SLC24A2: variants seen among roughly 807,000 people sequenced by gnomAD.
SLC24A2 encodes the protein sodium/potassium/calcium exchanger 2.
SLC24A2 carries 36 observed loss-of-function variants against 62.0 expected under a neutral mutation model. The observed-to-expected ratio is 0.58, with a 90% confidence interval of 0.44 to 0.77. SLC24A2 has a LOEUF of 0.77. SLC24A2 is among the 30% of genes least tolerant of loss of function. The pLI is 0.00. For synonymous variants in SLC24A2, 358 were observed against 294.0 expected (o/e 1.22, Z -2.23); for missense variants, 846 against 817.9 (o/e 1.03, Z -0.42).
chr9:20,258,819 A>C, the SLC24A2 span, among the ~76,000 whole-genome samples: 1 of 100,614 alleles, frequency 9.9e-6, no homozygotes, highest in African/African-American at 3.3e-5. Context: ...TATCTACCTT[A>C]TCTATCTATC....
rs1212640866 is a variant in SLC24A2 at position 19,516,024 on chromosome 9, T to G, written c.*129A>C. ...CAGTGTGAATCCATCTCTCCTCAAA[T>G]TCACCAAGGAGGGACACTTGGCACC... On this transcript the variant is annotated 3_prime_UTR_variant, in exon 11 of 11. Coordinates refer to ENST00000341998, the MANE Select transcript of SLC24A2 (RefSeq NM_020344.4). 1 of 1,166,526 alleles carries G rather than the reference T, an allele frequency of 8.6e-7. No homozygotes were observed. The highest frequency in any genetic ancestry group is 1.7e-5 in the Admixed American group (1 of 59,182). The allele number at this position is 1,166,526 out of a possible 1,614,324, so 72.3% of individuals were successfully genotyped here. A position where few individuals can be genotyped will look rare whatever the true frequency, so the allele number is the denominator to read the frequency against.
the SLC24A2 span, among the ~76,000 whole-genome samples, chr9:19,893,864 A>T: frequency 6.6e-6 from 1 of 152,188 alleles, no homozygotes; most frequent in African/African-American, 2.4e-5. Context: ...TCCGCCACAC[A>T]GGGGTTCTGT....
intron 2 of SLC24A2, among the ~76,000 whole-genome samples, chr9:19,715,931 T>A (rs1820847512): frequency 6.6e-6 from 1 of 152,174 alleles, no homozygotes; most frequent in Non-Finnish European, 1.5e-5. Context: ...AGAAGAAAAG[T>A]TTTCTCTCTT....
chr9:19,704,254 G>C (rs367707977), intron 2 of SLC24A2, among the ~76,000 whole-genome samples: 10 of 152,178 alleles, frequency 6.6e-5, no homozygotes, highest in East Asian at 5.8e-4. Flanking sequence ...GAGAAGCAGA[G>C]GCACATGATT....
intron 8 of SLC24A2, among the ~76,000 whole-genome samples, chr9:19,544,757 A>C (rs1834464039): frequency 6.6e-6 from 1 of 151,824 alleles, no homozygotes; most frequent in South Asian, 2.1e-4. Context: ...ATTGGCCCCC[A>C]CTCTCTTCTA....
At chr9:20,167,023 G>A in the SLC24A2 span, among the ~76,000 whole-genome samples, 2 of 151,716 alleles carry the variant, frequency 1.3e-5, no homozygotes, top group Non-Finnish European at 2.9e-5. Context: ...TATTTTTGTA[G>A]AGGCTGGTTT....
the SLC24A2 span, among the ~76,000 whole-genome samples, chr9:20,281,207 G>A: frequency 2.0e-5 from 3 of 152,172 alleles, no homozygotes; most frequent in Admixed American, 6.5e-5. Flanking sequence ...TGGGAATACA[G>A]GCGTGAACCA....
chr9:20,112,224 A>T, the SLC24A2 span, among the ~76,000 whole-genome samples: 1 of 152,066 alleles, frequency 6.6e-6, no homozygotes, highest in African/African-American at 2.4e-5. Context: ...TGCCTGAAGG[A>T]AAAAAAAGAA....
At chr9:20,234,799 G>C in the SLC24A2 span, among the ~76,000 whole-genome samples, 1 of 152,170 alleles carries the variant, frequency 6.6e-6, no homozygotes, top group East Asian at 1.9e-4. Flanking sequence ...GAGGAGAGGC[G>C]CTCTGATTTT....
chr9:19,789,652 T>C (rs918853877), upstream of SLC24A2, among the ~76,000 whole-genome samples: 8 of 152,164 alleles, frequency 5.3e-5, no homozygotes, highest in Non-Finnish European at 1.0e-4. Context: ...CTCCTTCCTG[T>C]CCTATCTGGA....
At chr9:19,829,834 C>CTTT in the SLC24A2 span, among the ~76,000 whole-genome samples, 1 of 131,282 alleles carries the variant, frequency 7.6e-6, no homozygotes, top group Non-Finnish European at 1.6e-5. Flanking sequence ...CACACACACA[C>CTTT]ACACACATAT....
At chr9:19,983,426 T>C in the SLC24A2 span, among the ~76,000 whole-genome samples, 5 of 152,160 alleles carry the variant, frequency 3.3e-5, no homozygotes, top group South Asian at 1.0e-3. Flanking sequence ...GGGCGGATCA[T>C]GAGGTCAAGA....
chr9:20,276,211 T>C, the SLC24A2 span, among the ~76,000 whole-genome samples: 2 of 152,164 alleles, frequency 1.3e-5, no homozygotes, highest in African/African-American at 4.8e-5. Context: ...GCCTGTAAAA[T>C]AGAAAGCAAG....
At chr9:19,750,009 A>G (rs1036145655) in intron 2 of SLC24A2, among the ~76,000 whole-genome samples, 1 of 152,202 alleles carries the variant, frequency 6.6e-6, no homozygotes, top group Non-Finnish European at 1.5e-5. Flanking sequence ...TAGACCCTCC[A>G]GGAACTCAAG....
chr9:19,615,967 C>A (rs1817755979), intron 4 of SLC24A2, among the ~76,000 whole-genome samples: 2 of 150,366 alleles, frequency 1.3e-5, no homozygotes, highest in Non-Finnish European at 3.0e-5. Flanking sequence ...GACCTGTGGG[C>A]AAGGACATGA....
chr9:19,696,008 G>A (rs1158236109), intron 2 of SLC24A2, among the ~76,000 whole-genome samples: 2 of 152,160 alleles, frequency 1.3e-5, no homozygotes, highest in African/African-American at 4.8e-5. Context: ...GGCCTGTTAA[G>A]AACCAGGCTG....
intron 2 of SLC24A2, among the ~76,000 whole-genome samples, chr9:19,664,190 T>C (rs1198885900): frequency 6.6e-6 from 1 of 152,242 alleles, no homozygotes; most frequent in Non-Finnish European, 1.5e-5. Flanking sequence ...TATCCTGCTA[T>C]AAAGACACTC....
intron 2 of SLC24A2, among the ~76,000 whole-genome samples, chr9:19,696,235 C>A (rs1324216221): frequency 4.6e-5 from 7 of 152,184 alleles, no homozygotes; most frequent in African/African-American, 1.7e-4. Context: ...CACCCCTAAG[C>A]CCCAACCTCG....
At chr9:19,884,351 G>T in the SLC24A2 span, among the ~76,000 whole-genome samples, 1 of 151,992 alleles carries the variant, frequency 6.6e-6, no homozygotes, top group African/African-American at 2.4e-5. Flanking sequence ...ATGATTACTG[G>T]ATGACAGCGT....
Sources: allele counts gnomAD v4.1 joint callset (sites outside exome capture counted in the v4.1 genomes callset), GRCh38; gene constraint gnomAD v4.1.1; transcripts MANE v1.5; gene names NCBI Gene and HGNC (gene_info 2026-07-23, HGNC 2026-07-21).